Variants in SWT1 observed in about 807,000 individuals in gnomAD.
SWT1 encodes SWT1 RNA endoribonuclease homolog, also known as transcriptional protein SWT1.
In SWT1, 33 loss-of-function variants were observed where a neutral mutation model predicts 107.3. The observed-to-expected ratio is 0.31, with a 90% CI of 0.23 to 0.41. The LOEUF is 0.41. SWT1 is among the 10% of genes least tolerant of loss of function. SWT1 has a pLI of 1.00. For synonymous variants in SWT1, 345 were observed against 348.3 expected (o/e 0.99, Z 0.11); for missense variants, 898 against 1,028.9 (o/e 0.87, Z 1.74).
At chr1:185,244,082 T>C (rs1661435677) in intron 16 of SWT1, among the ~76,000 whole-genome samples, 1 of 152,010 alleles carries the variant, frequency 6.6e-6, no homozygotes, top group African/African-American at 2.4e-5. Context: ...TCTCTCTCTC[T>C]TTTTTAATAT....
chr1:185,206,205 C>T (rs573218515), intron 12 of SWT1, among the ~76,000 whole-genome samples: 4 of 152,232 alleles, frequency 2.6e-5, no homozygotes, highest in South Asian at 2.1e-4. Context: ...GATACGCCCA[C>T]GTCGGCCTCC....
chr1:185,272,610 G>A (rs1398918291), intron 17 of SWT1, among the ~76,000 whole-genome samples: 1 of 152,204 alleles, frequency 6.6e-6, no homozygotes, highest in Admixed American at 6.5e-5. Flanking sequence ...TCTAGGAAGA[G>A]TTATTTAATT....
intron 18 of SWT1, among the ~76,000 whole-genome samples, chr1:185,287,666 T>C (rs57965867): frequency 1.0e-3 from 152 of 152,244 alleles, no homozygotes; most frequent in African/African-American, 3.6e-3. Context: ...GCAGAGGTGT[T>C]AAGGTGCCCC....
At chr1:185,201,752 C>T (rs950290604) in intron 10 of SWT1, among the ~76,000 whole-genome samples, 1 of 152,156 alleles carries the variant, frequency 6.6e-6, no homozygotes, top group Non-Finnish European at 1.5e-5. Flanking sequence ...TCCAGCTGCC[C>T]TGGTCAACCT....
At chr1:185,208,895 A>C (rs1488737408) in intron 13 of SWT1, among the ~76,000 whole-genome samples, 1 of 152,066 alleles carries the variant, frequency 6.6e-6, no homozygotes, top group Non-Finnish European at 1.5e-5. Flanking sequence ...AAGTTCATAC[A>C]AGCTGCTTAA....
At chr1:185,164,755 T>C (rs1481806969) in intron 2 of SWT1, among the ~76,000 whole-genome samples, 1 of 152,214 alleles carries the variant, frequency 6.6e-6, no homozygotes, top group Non-Finnish European at 1.5e-5. Context: ...CTAAAGGGAA[T>C]GTTGTGGCTG....
intron 16 of SWT1, among the ~76,000 whole-genome samples, chr1:185,257,503 G>A (rs1353348595): frequency 1.3e-5 from 2 of 152,180 alleles, no homozygotes; most frequent in African/African-American, 2.4e-5. Flanking sequence ...TTTTAAGCCG[G>A]TCGGAAAAGC....
chr1:185,167,784 T>G (rs1280296589), intron 3 of SWT1, among the ~76,000 whole-genome samples: 1 of 152,208 alleles, frequency 6.6e-6, no homozygotes, highest in Non-Finnish European at 1.5e-5. Flanking sequence ...TCAGAATGCC[T>G]TCTTTTACTC....
At chr1:185,161,029 C>T (rs1654099917) in intron 2 of SWT1, 104 bp downstream of exon 2, 5 of 860,506 alleles carry the variant, frequency 5.8e-6, no homozygotes, top group Non-Finnish European at 9.0e-6. Flanking sequence ...ATATTTTGTT[C>T]TGCTCAGCCG....
At chr1:185,201,458 C>T (rs980641477) in intron 10 of SWT1, among the ~76,000 whole-genome samples, 1 of 152,126 alleles carries the variant, frequency 6.6e-6, no homozygotes, top group Admixed American at 6.6e-5. Flanking sequence ...CGGAGTGCAC[C>T]GTTCCTCAGG....
intron 16 of SWT1, among the ~76,000 whole-genome samples, chr1:185,253,882 T>A (rs1662258391): frequency 6.6e-6 from 1 of 151,604 alleles, no homozygotes; most frequent in South Asian, 2.1e-4. Flanking sequence ...TGCTTCCAGT[T>A]TTTGTCCATT....
chr1:185,253,929 T>G (rs1662262016), intron 16 of SWT1, among the ~76,000 whole-genome samples: 1 of 150,650 alleles, frequency 6.6e-6, no homozygotes, highest in East Asian at 2.0e-4. Context: ...CATAGATAGC[T>G]CTTATTATTT....
chr1:185,176,019 A>C (rs954546707), intron 5 of SWT1, among the ~76,000 whole-genome samples: 3 of 152,142 alleles, frequency 2.0e-5, no homozygotes, highest in East Asian at 3.9e-4. Context: ...ACTGGATACA[A>C]TGGCTCACGC....
intron 16 of SWT1, among the ~76,000 whole-genome samples, chr1:185,235,636 C>T (rs1456937431): frequency 6.6e-6 from 1 of 151,814 alleles, no homozygotes; most frequent in African/African-American, 2.4e-5. Context: ...GAAAGCATTC[C>T]TGGCAGAAGA....
chr1:185,164,046 C>T (rs570945490), intron 2 of SWT1, among the ~76,000 whole-genome samples: 8 of 152,194 alleles, frequency 5.3e-5, no homozygotes, highest in Non-Finnish European at 1.0e-4. Context: ...ACTCCTTGAT[C>T]TATGGACTGC....
intron 14 of SWT1, 146 bp from the exon 15 acceptor site, chr1:185,221,703 C>A: frequency 3.8e-6 from 2 of 523,044 alleles, no homozygotes; most frequent in Non-Finnish European, 3.3e-6. Context: ...TGATGCTTTT[C>A]TGGGAATATT....
chr1:185,208,872 T>C (rs1245285263), intron 13 of SWT1, among the ~76,000 whole-genome samples: 1 of 152,014 alleles, frequency 6.6e-6, no homozygotes, highest in Non-Finnish European at 1.5e-5. Context: ...GGAAAGCTTT[T>C]ATTGGCAAAA....
rs143076295 is a variant in SWT1, at chr1:185,184,857, T to A, written c.1355T>A (p.Phe452Tyr). The change falls in exon 9 of 19, where the codon TTC (phenylalanine) becomes TAC (tyrosine). Residue 452 changes from phenylalanine to tyrosine, a missense_variant. Physicochemically the swap from Phe to Tyr is conservative, Grantham distance 22. Coordinates refer to ENST00000367500, the MANE Select transcript of SWT1 (RefSeq NM_017673.7). ...CACAAAGCTATACCTGCAGTTCATT[T>A]CATCAACGACAGTCTCAAAAATCAA... Reference protein sequence around the residue: ...AQHKAIPAVHFINDSLKNQDR... With the variant: ...AQHKAIPAVHYINDSLKNQDR... 2 of 1,559,310 alleles carry A rather than the reference T, an allele frequency of 1.3e-6. No homozygotes were observed. The highest frequency in any genetic ancestry group is 2.8e-5 in the African/African-American group (2 of 71,186).
chr1:185,168,344 C>A lies in SWT1; in HGVS notation c.170C>A (p.Ser57Ter). ...TCCTTTTTTTATTTATTTCAGAAAT[C>A]AGATCATACAGATGTTCTGTACTAT... ...SVSSEKRKLK[S>*]DHTDVLYYNI... The change falls in exon 4 of 19, where the codon TCA becomes TAA. Residue 57 changes from serine to a stop codon, truncating the protein, a stop_gained. Transcript: ENST00000367500. LOFTEE classifies it high-confidence loss of function. 2.0e-6 allele frequency: 2 copies of A among 1,024,532 alleles called. No homozygotes were observed. The highest frequency in any genetic ancestry group is 3.8e-5 in the South Asian group (2 of 52,978). The allele number at this position is 1,024,532 out of a possible 1,614,324, so 63.5% of individuals were successfully genotyped here. A position where few individuals can be genotyped will look rare whatever the true frequency, so the allele number is the denominator to read the frequency against.
Sources: allele counts gnomAD v4.1 joint callset (sites outside exome capture counted in the v4.1 genomes callset), GRCh38; gene constraint gnomAD v4.1.1; transcripts MANE v1.5; gene names NCBI Gene and HGNC (gene_info 2026-07-23, HGNC 2026-07-21).